The following MYO10 variants were observed in gnomAD, a reference collection of about 807,000 sequenced individuals.
MYO10 encodes myosin X.
A neutral mutation model predicts 257.3 loss-of-function variants in MYO10; 133 were observed. That is an observed-to-expected ratio of 0.52 (90% CI 0.45 to 0.60). MYO10 has a LOEUF of 0.60. MYO10 is among the 20% of genes least tolerant of loss of function. MYO10 has a pLI of 0.00. For synonymous variants in MYO10, 1,104 were observed against 1,028.6 expected, an observed-to-expected ratio of 1.07 and a Z score of -1.40; for missense variants, 2,399 against 2,635.7, an observed-to-expected ratio of 0.91 and a Z score of 1.97.
intron 1 of MYO10, among the ~76,000 whole-genome samples, chr5:16,879,733 C>A (rs771939703): frequency 5.3e-5 from 8 of 152,192 alleles, no homozygotes; most frequent in Non-Finnish European, 1.0e-4. Flanking sequence ...CAATTAAAAT[C>A]TAACAACACA....
intron 1 of MYO10, among the ~76,000 whole-genome samples, chr5:16,886,442 C>T (rs1262468354): frequency 6.6e-6 from 1 of 152,198 alleles, no homozygotes; most frequent in African/African-American, 2.4e-5. Context: ...GTGTTCCTGA[C>T]ATTGTGCTTC....
At chr5:16,709,572 C>T (rs1738499754) in intron 21 of MYO10, among the ~76,000 whole-genome samples, 1 of 151,930 alleles carries the variant, frequency 6.6e-6, no homozygotes, top group Non-Finnish European at 1.5e-5. Context: ...GACTTCAGTC[C>T]TCAAAAACAC....
chr5:16,935,911 A>C lies in MYO10; in HGVS notation c.-103T>G. 7.0e-7 allele frequency: 1 copy of C among 1,432,466 alleles called. No individual in the cohort carries two copies. The highest frequency in any genetic ancestry group is 1.4e-5 in the African/African-American group (1 of 70,674). 88.7% of individuals were successfully genotyped at this position (1,432,466 alleles called of 1,614,324 possible). A position where few individuals can be genotyped will look rare whatever the true frequency, so the allele number is the denominator to read the frequency against. ...CATGCGTGTCACGGCGCCACTCCCGAGGACGCGCGCCCGCGGGGCTCCCCT... is the reference window on the plus strand; with the variant it reads ...CATGCGTGTCACGGCGCCACTCCCGCGGACGCGCGCCCGCGGGGCTCCCCT... On this transcript the variant is annotated 5_prime_UTR_variant, in exon 1 of 41. Coordinates refer to ENST00000513610, the MANE Select transcript of MYO10 (RefSeq NM_012334.3).
chr5:16,724,372 A>C (rs1187988809), intron 19 of MYO10, among the ~76,000 whole-genome samples: 2 of 152,170 alleles, frequency 1.3e-5, no homozygotes, highest in Non-Finnish European at 2.9e-5. Flanking sequence ...TTGGAGCGAG[A>C]ATTTTGCAAG....
intron 3 of MYO10, among the ~76,000 whole-genome samples, chr5:16,806,006 A>G (rs983117172): frequency 1.3e-5 from 2 of 152,194 alleles, no homozygotes; most frequent in African/African-American, 4.8e-5. Context: ...GTATATCAAA[A>G]TATCATGTTG....
intron 1 of MYO10, among the ~76,000 whole-genome samples, chr5:16,929,227 A>G (rs998554835): frequency 2.4e-4 from 37 of 152,102 alleles, no homozygotes; most frequent in Admixed American, 2.2e-3. Context: ...TGCTGGGATT[A>G]CAGGCATGAG....
intron 9 of MYO10, among the ~76,000 whole-genome samples, chr5:16,770,343 G>T (rs7703315): frequency 0.51 from 77,843 of 151,958 alleles, 20,634 homozygotes; most frequent in Non-Finnish European, 0.59. Flanking sequence ...TTTCTCCAAA[G>T]GATTTTTTAT....
At position 16,702,455 on chromosome 5, in the gene MYO10, T is replaced by C. The variant is rs1037920508; in HGVS notation, c.2556+88A>G. 13 of 1,210,948 alleles carry C rather than the reference T, an allele frequency of 1.1e-5. No individual in the cohort carries two copies. The African/African-American group carries it at 1.5e-4, about 14-fold the overall frequency. 75.0% of individuals were successfully genotyped at this position (1,210,948 alleles called of 1,614,324 possible). On this transcript the variant is annotated intron_variant, in intron 24 of 40. Coordinates refer to ENST00000513610, the MANE Select transcript of MYO10 (RefSeq NM_012334.3). The stretch of plus-strand genomic sequence containing the variant: ...TGTTCTTCCTGTTATCTTTCTACTT[T>C]AATTCAGTTTTGAATCCTAGAGTCC...
At chr5:16,797,048 A>C (rs1366568566) in intron 3 of MYO10, among the ~76,000 whole-genome samples, 1 of 152,234 alleles carries the variant, frequency 6.6e-6, no homozygotes, top group Non-Finnish European at 1.5e-5. Flanking sequence ...ACCATATTAT[A>C]GCAATTTGTA....
At position 16,683,915 on chromosome 5, in the gene MYO10, C is replaced by G. The variant is rs747676244; in HGVS notation, c.4011G>C (p.Leu1337=). The change falls in exon 30 of 41, where the codon CTG becomes CTC. Residue 1337 remains leucine, a synonymous_variant. Coordinates refer to ENST00000513610, the MANE Select transcript of MYO10 (RefSeq NM_012334.3). ...TGTCAGAGGCACACACAGAATCAAT[C>G]AGCCCCACATCCAAGGTGCCCTGGA... The part of the protein sequence containing the change: ...QNAVGTLDVG[L]IDSVCASDSP... The G allele has an allele frequency of 3.7e-6, 6 of 1,613,748 alleles. No individual in the cohort carries two copies. Among genetic ancestry groups the G allele is most frequent in the Non-Finnish European group, 5.1e-6 (6 of 1,179,808 alleles).
intron 2 of MYO10, among the ~76,000 whole-genome samples, chr5:16,823,325 A>G (rs1453942096): frequency 6.8e-6 from 1 of 146,682 alleles, no homozygotes; most frequent in Non-Finnish European, 1.5e-5. Flanking sequence ...CGTGACGGTA[A>G]TCCCAGCTAA....
At chr5:16,816,448 T>C (rs1334856635) in intron 3 of MYO10, among the ~76,000 whole-genome samples, 1 of 150,838 alleles carries the variant, frequency 6.6e-6, no homozygotes, top group East Asian at 1.9e-4. Context: ...CCTTTCTCAG[T>C]CTAAGGGTAG....
At chr5:16,885,493 G>A (rs1744871188) in intron 1 of MYO10, among the ~76,000 whole-genome samples, 1 of 152,094 alleles carries the variant, frequency 6.6e-6, no homozygotes, top group South Asian at 2.1e-4. Flanking sequence ...CCAACATGAT[G>A]AAACTCCGTC....
chr5:16,722,835 T>C (rs1044478672), intron 19 of MYO10, among the ~76,000 whole-genome samples: 2 of 152,172 alleles, frequency 1.3e-5, no homozygotes, highest in Non-Finnish European at 2.9e-5. Flanking sequence ...TGTGTAGGAT[T>C]TCATTAAAAT....
intron 19 of MYO10, among the ~76,000 whole-genome samples, chr5:16,734,282 G>A (rs1014387597): frequency 5.3e-5 from 8 of 151,958 alleles, no homozygotes; most frequent in African/African-American, 1.5e-4. Context: ...CACATCTTTC[G>A]ACTTAAAAGA....
intron 19 of MYO10, among the ~76,000 whole-genome samples, chr5:16,715,865 G>A (rs1738848137): frequency 6.6e-6 from 1 of 152,130 alleles, no homozygotes. Context: ...AGACCAGCCT[G>A]ACCAATATGG....
intron 2 of MYO10, among the ~76,000 whole-genome samples, chr5:16,840,284 C>T (rs1196124457): frequency 1.3e-5 from 2 of 152,102 alleles, no homozygotes; most frequent in African/African-American, 4.8e-5. Flanking sequence ...TGGTGGTGCA[C>T]ACCTGTAATC....
intron 19 of MYO10, among the ~76,000 whole-genome samples, chr5:16,747,252 C>G (rs982346823): frequency 1.3e-5 from 2 of 152,104 alleles, no homozygotes; most frequent in African/African-American, 4.8e-5. Context: ...CAATACTGAC[C>G]TACTGGCGAT....
At position 16,860,476 on chromosome 5, in the gene MYO10, T is replaced by C. The variant is rs150658957; in HGVS notation, c.120+17133A>G. 6.3e-3 allele frequency among the ~76,000 whole-genome samples: 965 copies of C among 152,224 alleles called. 11 individuals are homozygous for C. The highest frequency in any genetic ancestry group is 0.022 in the African/African-American group (922 of 41,520). ...TCCCAGGCCCATATTTACTGAGAAA[T>C]GGATTCAGGCAATTTTGAAATGAGT... On this transcript the variant is annotated intron_variant, in intron 2 of 40. Transcript: ENST00000513610.
Sources: gnomAD v4.1 joint callset for allele counts (sites outside exome capture counted in the v4.1 genomes callset) on GRCh38, gnomAD v4.1.1 for gene constraint, MANE v1.5 for transcripts, NCBI Gene and HGNC (gene_info 2026-07-23, HGNC 2026-07-21) for gene names.